Variants in UNC13C observed in about 807,000 individuals in gnomAD.
The protein encoded by UNC13C is unc-13 homolog C.
In UNC13C, 174 loss-of-function variants were observed where a neutral mutation model predicts 245.4. That is an observed-to-expected ratio of 0.71 (90% CI 0.63 to 0.80). The LOEUF (loss-of-function observed/expected upper bound fraction) is 0.80. Ranked by LOEUF, UNC13C falls within the 30% of genes least tolerant of loss-of-function variation. The pLI is 0.00. For missense variants in UNC13C, 2,829 were observed against 2,602.9 expected, an observed-to-expected ratio of 1.09 and a Z score of -1.89; for synonymous variants, 992 against 895.1, an observed-to-expected ratio of 1.11 and a Z score of -1.93.
In UNC13C at chr15:54,270,260, A is replaced by G. The variant is rs528436500; in HGVS notation, c.3818+4764A>G. Among the ~76,000 whole-genome samples the G allele has an allele frequency of 2.6e-5, 4 of 152,346 alleles. No individual in the cohort carries two copies. The South Asian group carries it at 8.3e-4, about 32-fold the overall frequency. Reference sequence around the variant, plus strand: ...TGAATTTATGTTCAGACGTTGAAAAATGTATACACATCACAGATGAACTCA... The same window carrying G: ...TGAATTTATGTTCAGACGTTGAAAAGTGTATACACATCACAGATGAACTCA... On this transcript the variant is annotated intron_variant, in intron 10 of 32. Coordinates refer to ENST00000260323, the MANE Select transcript of UNC13C (RefSeq NM_001080534.3).
In UNC13C at chr15:54,627,112, G is replaced by A. The variant is rs774373106; in HGVS notation, c.6644G>A (p.Ter2215=). ...ACAAGATCTACTGAAGAGAGTGCTTGAAACAAACACTGCAAGCTAAATACA... is the reference window on the plus strand; with the variant it reads ...ACAAGATCTACTGAAGAGAGTGCTTAAAACAAACACTGCAAGCTAAATACA... ...SETRSTEESA[*] is the part of the protein sequence containing the mutation. The change falls in exon 33 of 33, where the codon TGA becomes TAA. Residue 2215 remains the stop codon, a stop_retained_variant. Coordinates refer to ENST00000260323, the MANE Select transcript of UNC13C (RefSeq NM_001080534.3). The A allele has an allele frequency of 6.2e-7, 1 of 1,606,240 alleles. No individual in the cohort carries two copies. The highest frequency in any genetic ancestry group is 1.1e-5 in the South Asian group (1 of 90,316).
chr15:54,547,489 A>G (rs971387074), intron 27 of UNC13C, among the ~76,000 whole-genome samples: 1 of 152,222 alleles, frequency 6.6e-6, no homozygotes, highest in Non-Finnish European at 1.5e-5. Flanking sequence ...TTACGGGGCA[A>G]TGTATTTTTT....
chr15:54,412,447 T>C (rs1394331572), intron 18 of UNC13C, among the ~76,000 whole-genome samples: 1 of 152,166 alleles, frequency 6.6e-6, no homozygotes, highest in Admixed American at 6.5e-5. Context: ...GAGAACAGTA[T>C]GGAGGAAACT....
chr15:54,508,236 A>G (rs1894572344), intron 23 of UNC13C, among the ~76,000 whole-genome samples: 1 of 146,786 alleles, frequency 6.8e-6, no homozygotes. Flanking sequence ...TGTTACATTG[A>G]AAATCAAAAC....
chr15:54,161,507 G>A (rs1049305766), intron 4 of UNC13C, among the ~76,000 whole-genome samples: 2 of 152,034 alleles, frequency 1.3e-5, no homozygotes, highest in Non-Finnish European at 1.5e-5. Context: ...AATATACTGA[G>A]AGCATTAATA....
chr15:53,975,506 G>T (rs1486208752), upstream of UNC13C, among the ~76,000 whole-genome samples: 2 of 152,108 alleles, frequency 1.3e-5, no homozygotes. Flanking sequence ...TAAAGATCGA[G>T]GTTTTCTAAA....
At chr15:54,152,151 C>T (rs1447033639) in intron 4 of UNC13C, among the ~76,000 whole-genome samples, 1 of 152,182 alleles carries the variant, frequency 6.6e-6, no homozygotes, top group African/African-American at 2.4e-5. Context: ...AGTACTACTT[C>T]TATCCCCTCA....
chr15:54,092,219 A>G (rs1357307433), intron 2 of UNC13C, among the ~76,000 whole-genome samples: 1 of 152,198 alleles, frequency 6.6e-6, no homozygotes, highest in African/African-American at 2.4e-5. Flanking sequence ...CAAATAATTC[A>G]AAAATGACAA....
intron 2 of UNC13C, among the ~76,000 whole-genome samples, chr15:54,081,296 A>G (rs1333720657): frequency 6.6e-6 from 1 of 152,112 alleles, no homozygotes; most frequent in Non-Finnish European, 1.5e-5. Flanking sequence ...GTAGATGCCT[A>G]TTAAGTCCAT....
chr15:54,477,987 T>G (rs1206756002), intron 19 of UNC13C, among the ~76,000 whole-genome samples: 5 of 149,396 alleles, frequency 3.3e-5, no homozygotes, highest in Admixed American at 6.6e-5. Context: ...CAATTTCAGA[T>G]CCTGTTATTG....
intron 27 of UNC13C, among the ~76,000 whole-genome samples, chr15:54,547,167 A>G (rs867737471): frequency 6.6e-6 from 1 of 152,214 alleles, no homozygotes; most frequent in Non-Finnish European, 1.5e-5. Context: ...TAGAATTAAG[A>G]TACAATGTAT....
chr15:54,236,804 T>G (rs2035712434), intron 6 of UNC13C, among the ~76,000 whole-genome samples: 1 of 152,208 alleles, frequency 6.6e-6, no homozygotes, highest in African/African-American at 2.4e-5. Context: ...GACTTTGTAA[T>G]GCTGAGGAGA....
intron 2 of UNC13C, among the ~76,000 whole-genome samples, chr15:54,078,833 T>A (rs1898778578): frequency 6.6e-6 from 1 of 152,086 alleles, no homozygotes; most frequent in Non-Finnish European, 1.5e-5. Flanking sequence ...CATTTGTCTA[T>A]TTTTGTTTCT....
intron 4 of UNC13C, among the ~76,000 whole-genome samples, chr15:54,192,249 T>C (rs1308261693): frequency 6.6e-6 from 1 of 152,194 alleles, no homozygotes; most frequent in Non-Finnish European, 1.5e-5. Context: ...TATTCTTTCT[T>C]GTCATTTGTT....
At chr15:54,086,951 G>C (rs1028297973) in intron 2 of UNC13C, among the ~76,000 whole-genome samples, 5 of 151,780 alleles carry the variant, frequency 3.3e-5, no homozygotes, top group African/African-American at 1.2e-4. Context: ...GGTCAGGCTG[G>C]TCTTGAACTC....
chr15:54,322,202 T>A (rs764947850), intron 14 of UNC13C, 107 bp downstream of exon 14: 4 of 1,124,456 alleles, frequency 3.6e-6, no homozygotes, highest in Non-Finnish European at 4.9e-6. Flanking sequence ...AGAAAGGACA[T>A]TTTAGGGAAT....
chr15:54,131,265 A>T (rs1464888496), intron 2 of UNC13C, among the ~76,000 whole-genome samples: 2 of 152,190 alleles, frequency 1.3e-5, no homozygotes, highest in African/African-American at 4.8e-5. Flanking sequence ...TGCCTGGCAG[A>T]CTAGACTGGA....
chr15:53,920,343 CAG>C, the UNC13C span, among the ~76,000 whole-genome samples: 2 of 152,062 alleles, frequency 1.3e-5, no homozygotes, highest in Non-Finnish European at 2.9e-5. Context: ...GGAGGCTGGT[CAG>C]GAGTTCAAGA....
At chr15:54,351,497 C>T (rs1046179231) in intron 17 of UNC13C, among the ~76,000 whole-genome samples, 4 of 152,140 alleles carry the variant, frequency 2.6e-5, no homozygotes, top group African/African-American at 7.2e-5. Context: ...CCAAGGCTTG[C>T]GCTCCTCTTC....
Sources: allele counts gnomAD v4.1 joint callset (sites outside exome capture counted in the v4.1 genomes callset), GRCh38; gene constraint gnomAD v4.1.1; transcripts MANE v1.5; gene names NCBI Gene and HGNC (gene_info 2026-07-23, HGNC 2026-07-21).